ATG16L2: variants seen among roughly 807,000 people sequenced by gnomAD.
ATG16L2 encodes the protein protein Atg16l2.
ATG16L2 carries 77 observed loss-of-function variants against 84.7 expected under a neutral mutation model. The ratio of observed to expected loss-of-function variants is 0.91; its 90% CI spans 0.76 to 1.10. The LOEUF (loss-of-function observed/expected upper bound fraction) is 1.10, where lower values mean the gene tolerates loss of function less well. ATG16L2 is among the 50% of genes least tolerant of loss of function. The probability of loss-of-function intolerance (pLI) is 0.00; values close to 1 mark genes in which losing one functional copy is unlikely to be tolerated. For synonymous variants in ATG16L2, 361 were observed against 342.8 expected, an observed-to-expected ratio of 1.05 and a Z score of -0.59; for missense variants, 782 against 817.6, an observed-to-expected ratio of 0.96 and a Z score of 0.53.
chr11:72,827,511 C>T (rs752696413), intron 14 of ATG16L2, among the ~76,000 whole-genome samples: 10 of 152,164 alleles, frequency 6.6e-5, no homozygotes, highest in African/African-American at 1.4e-4. Context: ...TGCTGGACTC[C>T]GCCTGGACCT....
At chr11:72,828,613 AC>A in intron 15 of ATG16L2, 105 bp downstream of exon 15, 22 of 1,589,742 alleles carry the variant, frequency 1.4e-5, no homozygotes, top group Non-Finnish European at 1.9e-5. Flanking sequence ...GCCCCTCCAG[AC>A]CAGGTCCTGC....
intron 5 of ATG16L2, among the ~76,000 whole-genome samples, chr11:72,839,274 C>T (rs1279633866): frequency 6.6e-6 from 1 of 152,084 alleles, no homozygotes; most frequent in Non-Finnish European, 1.5e-5. Context: ...TTGTGAAGGG[C>T]CTTGTTAAAC....
At chr11:72,837,793 C>T (rs1452669976) in intron 5 of ATG16L2, 1 of 152,226 alleles carries the variant, frequency 6.6e-6, no homozygotes, top group Non-Finnish European at 1.5e-5. Context: ...CTGCATTTTC[C>T]ACCATAGCAG....
At chr11:72,829,256 G>A in intron 17 of ATG16L2, 47 bp from the exon 18 acceptor site, 2 of 1,595,316 alleles carry the variant, frequency 1.3e-6, no homozygotes, top group Non-Finnish European at 1.7e-6. Flanking sequence ...CAGGTTGCAG[G>A]CGCAGTTCCT....
In ATG16L2 at chr11:72,821,675, A is replaced by C; in HGVS notation, c.326A>C (p.Tyr109Ser). The C allele has an allele frequency of 6.5e-7, 1 of 1,535,786 alleles. No homozygotes were observed. Among genetic ancestry groups the C allele is most frequent in the Non-Finnish European group, 8.7e-7 (1 of 1,145,520 alleles). The change falls in exon 4 of 18, where the codon TAC (tyrosine) becomes TCC (serine). Residue 109 changes from tyrosine (Y) to serine (S), a missense_variant. Coordinates refer to ENST00000321297, the MANE Select transcript of ATG16L2 (RefSeq NM_033388.2). Reference protein sequence around the residue: ...GLRLVCGEMAYQVVEKGAALG... With the variant: ...GLRLVCGEMASQVVEKGAALG... ...CCACCTGTCCGCCCCCAGATGGCCT[A>C]CCAGGTGGTGGAGAAGGGCGCGGCC...
intron 3 of ATG16L2, chr11:72,818,313 C>A (rs56148078): frequency 0.2 from 31,193 of 158,136 alleles, 3,647 homozygotes; most frequent in Middle Eastern, 0.35. Context: ...GCTTCTCTTT[C>A]ACCATGCTCT....
At chr11:72,821,995 A>G (rs1229543087) in intron 4 of ATG16L2, 49 bp from the exon 5 acceptor site, 3 of 1,463,144 alleles carry the variant, frequency 2.1e-6, no homozygotes, top group African/African-American at 2.9e-5. Flanking sequence ...CCCACTGGGC[A>G]GTGACGGGGG....
chr11:72,822,387 G>A lies in ATG16L2; in HGVS notation c.645-91G>A. 6.3e-7 allele frequency: 1 copy of A among 1,588,174 alleles called. No homozygotes were observed. The highest frequency in any genetic ancestry group is 8.6e-7 in the Non-Finnish European group (1 of 1,167,654). On this transcript the variant is annotated intron_variant, in intron 5 of 17. Coordinates refer to ENST00000321297, the MANE Select transcript of ATG16L2 (RefSeq NM_033388.2). The surrounding 1 kb of genome is among the most constrained non-coding windows in gnomAD (Gnocchi z 4.2). Reference sequence around the variant, plus strand: ...CCGGTGTCTGGAAGGGAGGGGGGCAGCAGCCGCCCCCTGGAGGAAGGGACC... The same window carrying A: ...CCGGTGTCTGGAAGGGAGGGGGGCAACAGCCGCCCCCTGGAGGAAGGGACC...
At chr11:72,843,698 A>C (rs1312499212), downstream of ATG16L2, 1 of 600,704 alleles carries the variant, frequency 1.7e-6, no homozygotes, top group Non-Finnish European at 2.9e-6. Flanking sequence ...GTGAAGTTTT[A>C]CTTTAAAAAA....
At chr11:72,823,969 C>T (rs937522047) in intron 7 of ATG16L2, 91 bp from the exon 8 acceptor site, 1 of 1,438,064 alleles carries the variant, frequency 7.0e-7, no homozygotes. Flanking sequence ...TTACAAGCCT[C>T]CAGGTCTCTG....
At position 72,826,229 on chromosome 11, in the gene ATG16L2, G is replaced by A; in HGVS notation, c.1159G>A (p.Asp387Asn). The A allele has an allele frequency of 1.2e-6, 2 of 1,613,962 alleles. No homozygotes were observed. Among genetic ancestry groups the A allele is most frequent in the East Asian group, 2.2e-5 (1 of 44,874 alleles). Residue 387 changes from aspartate to asparagine, a missense_variant, in exon 11 of 18, where the codon GAC becomes AAC. Physicochemically the swap from Asp to Asn is conservative, Grantham distance 23 (BLOSUM62 1). Transcript: ENST00000321297. ...EGAGGSITSV[D>N]FDPSGYQVLA... is the part of the protein sequence containing the mutation. ...AGCTGGTGGCAGCATCACCAGTGTG[G>A]ACTTTGACCCCTCGGTGAGGAACTC... is the stretch of plus-strand genomic sequence containing the variant.
At chr11:72,840,196 C>T (rs2135147287) in intron 5 of ATG16L2, among the ~76,000 whole-genome samples, 1 of 152,322 alleles carries the variant, frequency 6.6e-6, no homozygotes, top group East Asian at 1.9e-4. Flanking sequence ...GTCCAGCTTA[C>T]CACTTTACAA....
At chr11:72,831,436 A>C (rs1860603626), downstream of ATG16L2, among the ~76,000 whole-genome samples, 1 of 152,160 alleles carries the variant, frequency 6.6e-6, no homozygotes, top group South Asian at 2.1e-4. Flanking sequence ...ACCCAGGAGG[A>C]GGAGGTTGCA....
downstream of ATG16L2, chr11:72,843,702 T>C (rs1220122196): frequency 1.0e-5 from 6 of 599,416 alleles, no homozygotes; most frequent in South Asian, 4.2e-5. Context: ...AGTTTTACTT[T>C]AAAAAACTAA....
chr11:72,827,889 C>T (rs1860453436), intron 14 of ATG16L2, among the ~76,000 whole-genome samples: 1 of 152,226 alleles, frequency 6.6e-6, no homozygotes, highest in East Asian at 1.9e-4. Context: ...GCCCAGATTG[C>T]GCCACTGCCG....
downstream of ATG16L2, among the ~76,000 whole-genome samples, chr11:72,832,283 C>T (rs575870939): frequency 6.6e-6 from 1 of 152,286 alleles, no homozygotes; most frequent in East Asian, 1.9e-4. Flanking sequence ...ACTTTATGGG[C>T]GTCAATCTTA....
chr11:72,826,341 C>G, intron 11 of ATG16L2, 98 bp downstream of exon 11: 1 of 1,453,226 alleles, frequency 6.9e-7, no homozygotes, highest in Non-Finnish European at 9.5e-7. Flanking sequence ...ACATGGATAC[C>G]CTAGAACCAG....
At position 72,822,629 on chromosome 11, in the gene ATG16L2, T is replaced by G. The variant is rs1040564830; in HGVS notation, c.710+86T>G. 1.7e-5 allele frequency: 26 copies of G among 1,537,006 alleles called. No homozygotes were observed. The highest frequency in any genetic ancestry group is 3.5e-5 in the South Asian group (3 of 85,338). ...GGCGACCCAGGCTGCCGACTGTACT[T>G]GTGCACAGCCCCGTCCTGAGGCCCC... On this transcript the variant is annotated intron_variant, in intron 6 of 17. Coordinates refer to ENST00000321297, the MANE Select transcript of ATG16L2 (RefSeq NM_033388.2). This position sits in a 1 kb window ranked among gnomAD's most constrained non-coding sequence, Gnocchi z 4.2.
At chr11:72,840,262 C>T (rs571959634) in intron 5 of ATG16L2, among the ~76,000 whole-genome samples, 1 of 152,312 alleles carries the variant, frequency 6.6e-6, no homozygotes, top group Non-Finnish European at 1.5e-5. Flanking sequence ...GCACTCAATA[C>T]ATATTTGCTG....
Sources: allele counts gnomAD v4.1 joint callset (sites outside exome capture counted in the v4.1 genomes callset), GRCh38; gene constraint gnomAD v4.1.1; non-coding constraint Gnocchi (gnomAD v3.1); transcripts MANE v1.5; gene names NCBI Gene and HGNC (gene_info 2026-07-23, HGNC 2026-07-21).